ARHGEF11: variants seen among roughly 807,000 people sequenced by gnomAD.
ARHGEF11 encodes the protein Rho guanine exchange factor (GEF) 11.
In ARHGEF11, 55 loss-of-function variants were observed where a neutral mutation model predicts 193.7. The ratio of observed to expected loss-of-function variants is 0.28; its 90% CI spans 0.23 to 0.36. ARHGEF11 has a LOEUF of 0.36. Among genes scored for constraint, ARHGEF11 ranks in the 10% least tolerant of loss-of-function variants. The pLI is 1.00. For synonymous variants in ARHGEF11, 693 were observed against 768.0 expected, an observed-to-expected ratio of 0.90 and a Z score of 1.62; for missense variants, 1,723 against 2,005.6, an observed-to-expected ratio of 0.86 and a Z score of 2.69.
rs377048724 is a variant in ARHGEF11 at position 157,000,172 on chromosome 1, A to G, written c.33-13999T>C. 5.4e-4 allele frequency among the ~76,000 whole-genome samples: 83 copies of G among 152,340 alleles called. 1 individual carries two copies. Among genetic ancestry groups the G allele is most frequent in the African/African-American group, 2.0e-3 (82 of 41,580 alleles). On this transcript the variant is annotated intron_variant, in intron 1 of 40. Transcript: ENST00000368194. Reference sequence around the variant, plus strand: ...AAGATGGCGTTTTGCCATGTGGGCCAGGCTGGTCTCAAACTCCTGACCTCA... The same window carrying G: ...AAGATGGCGTTTTGCCATGTGGGCCGGGCTGGTCTCAAACTCCTGACCTCA...
At chr1:156,977,473 C>T (rs1284239308) in intron 6 of ARHGEF11, among the ~76,000 whole-genome samples, 1 of 152,158 alleles carries the variant, frequency 6.6e-6, no homozygotes, top group South Asian at 2.1e-4. Context: ...AGTGCATTGG[C>T]ACGATCATGG....
At chr1:156,979,659 T>C (rs1663841217) in intron 4 of ARHGEF11, among the ~76,000 whole-genome samples, 1 of 152,216 alleles carries the variant, frequency 6.6e-6, no homozygotes, top group African/African-American at 2.4e-5. Context: ...CCACTGCGCC[T>C]GGCCCAAAAT....
rs1410703634 is a variant in ARHGEF11 at position 157,044,435 on chromosome 1, C to A, written c.-105G>T. ...GCAAGGTGAGAGGAGGGCCTCCCAA[C>A]TTGAAGATAGAATCCTTTCTCCTCC... On this transcript the variant is annotated 5_prime_UTR_variant, in exon 1 of 41. Transcript: ENST00000368194. 6 of 1,038,602 alleles carry A rather than the reference C, an allele frequency of 5.8e-6. No homozygotes were observed. Among genetic ancestry groups the A allele is most frequent in the Middle Eastern group, 2.0e-4 (1 of 4,954 alleles). 64.3% of individuals were successfully genotyped at this position (1,038,602 alleles called of 1,614,324 possible). A position where few individuals can be genotyped will look rare whatever the true frequency, so the allele number is the denominator to read the frequency against.
At chr1:156,985,712 C>G (rs1272509442) in intron 2 of ARHGEF11, 2 of 152,994 alleles carry the variant, frequency 1.3e-5, no homozygotes, top group African/African-American at 4.9e-5. Context: ...GCATAAGCCA[C>G]CACGCCCAGC....
At chr1:156,946,637 G>T in intron 28 of ARHGEF11, 25 bp downstream of exon 28, 1 of 1,613,982 alleles carries the variant, frequency 6.2e-7, no homozygotes, top group Non-Finnish European at 8.5e-7. Flanking sequence ...GATGAAGGAA[G>T]GCCAAGGCAT....
In ARHGEF11 at chr1:157,024,866, T is replaced by C. The variant is rs188696317; in HGVS notation, c.32+19433A>G. On this transcript the variant is annotated intron_variant, in intron 1 of 40. Transcript: ENST00000368194. ...TGACTAGACTACTGTAATAGCTTAA[T>C]AGTTCTCTCATGTTTTCTCTTGAAC... 2.8e-3 allele frequency among the ~76,000 whole-genome samples: 420 copies of C among 152,362 alleles called. 2 individuals carry two copies. The highest frequency in any genetic ancestry group is 3.5e-3 in the Non-Finnish European group (238 of 68,034).
intron 3 of ARHGEF11, among the ~76,000 whole-genome samples, chr1:156,981,505 C>T (rs567584276): frequency 6.6e-6 from 1 of 152,350 alleles, no homozygotes; most frequent in South Asian, 2.1e-4. Context: ...GAGACTGTGT[C>T]TCACTCTGTC....
At chr1:157,025,405 T>TA (rs1670524803) in intron 1 of ARHGEF11, among the ~76,000 whole-genome samples, 1 of 150,272 alleles carries the variant, frequency 6.7e-6, no homozygotes, top group Admixed American at 6.6e-5. Flanking sequence ...CAATGGTAGC[T>TA]GAAATGAGAC....
chr1:156,941,035 T>C (rs1348662601), intron 35 of ARHGEF11, among the ~76,000 whole-genome samples: 2 of 152,188 alleles, frequency 1.3e-5, no homozygotes, highest in African/African-American at 4.8e-5. Flanking sequence ...TGTTGCAGCA[T>C]GTATCTCCCT....
At chr1:157,019,525 T>G (rs1319564178) in intron 1 of ARHGEF11, among the ~76,000 whole-genome samples, 9 of 152,220 alleles carry the variant, frequency 5.9e-5, no homozygotes, top group Non-Finnish European at 1.5e-5. Context: ...ACCCAGCCAT[T>G]CTTCTAGGAT....
chr1:157,025,181 C>T (rs144079427), intron 1 of ARHGEF11, among the ~76,000 whole-genome samples: 410 of 152,292 alleles, frequency 2.7e-3, no homozygotes, highest in African/African-American at 9.6e-3. Context: ...ATGGTACAGA[C>T]AGTAAGCACT....
chr1:157,012,795 T>TG (rs1668700811), intron 1 of ARHGEF11, among the ~76,000 whole-genome samples: 1 of 152,210 alleles, frequency 6.6e-6, no homozygotes, highest in Non-Finnish European at 1.5e-5. Context: ...GAACAGTGCT[T>TG]GGTGTGTAGT....
At chr1:157,039,119 C>T (rs1324644934) in intron 1 of ARHGEF11, among the ~76,000 whole-genome samples, 2 of 152,240 alleles carry the variant, frequency 1.3e-5, no homozygotes, top group Non-Finnish European at 2.9e-5. Context: ...CCCTGTACTT[C>T]CATCTTCTCT....
At chr1:157,041,208 G>A (rs970640094) in intron 1 of ARHGEF11, among the ~76,000 whole-genome samples, 2 of 152,122 alleles carry the variant, frequency 1.3e-5, no homozygotes, top group African/African-American at 4.8e-5. Flanking sequence ...GACCACTCCT[G>A]TAAAAATAAT....
intron 40 of ARHGEF11, chr1:156,936,262 G>GT: frequency 1.3e-6 from 1 of 754,174 alleles, no homozygotes; most frequent in Non-Finnish European, 2.5e-6. Flanking sequence ...GGTCAGGTAG[G>GT]TATGTGCCTT....
At chr1:156,998,276 A>G (rs1666796083) in intron 1 of ARHGEF11, among the ~76,000 whole-genome samples, 2 of 152,128 alleles carry the variant, frequency 1.3e-5, no homozygotes, top group African/African-American at 4.8e-5. Context: ...CCAACACCCC[A>G]TCAGCCTTGC....
intron 1 of ARHGEF11, among the ~76,000 whole-genome samples, chr1:157,039,175 A>G (rs1217413645): frequency 6.6e-6 from 1 of 151,942 alleles, no homozygotes; most frequent in African/African-American, 2.4e-5. Flanking sequence ...TCAAGCTTTC[A>G]TTTTCACTGA....
At chr1:156,946,482 CT>C (rs1658142015) in intron 28 of ARHGEF11, among the ~76,000 whole-genome samples, 179 bp downstream of exon 28, 1 of 152,214 alleles carries the variant, frequency 6.6e-6, no homozygotes, top group African/African-American at 2.4e-5. Context: ...ATCCAGGATT[CT>C]TTCCAACAAA....
At chr1:156,989,163 T>TC (rs1347134450) in intron 1 of ARHGEF11, among the ~76,000 whole-genome samples, 1 of 151,824 alleles carries the variant, frequency 6.6e-6, no homozygotes, top group Middle Eastern at 3.2e-3. Context: ...GTGGAGAATT[T>TC]CCCCCCAAAT....
Sources: gnomAD v4.1 joint callset for allele counts (sites outside exome capture counted in the v4.1 genomes callset) on GRCh38, gnomAD v4.1.1 for gene constraint, MANE v1.5 for transcripts, NCBI Gene and HGNC (gene_info 2026-07-23, HGNC 2026-07-21) for gene names.